TFEC: variants seen among roughly 807,000 people sequenced by gnomAD.
The protein encoded by TFEC is class E basic helix-loop-helix protein 34.
A neutral mutation model predicts 41.6 loss-of-function variants in TFEC; 31 were observed. The observed-to-expected ratio is 0.74, with a 90% CI of 0.56 to 1.01. The LOEUF (loss-of-function observed/expected upper bound fraction) is 1.01. TFEC is among the 50% of genes least tolerant of loss of function. The pLI is 0.00. For missense variants in TFEC, 402 were observed against 404.1 expected (o/e 0.99, Z 0.04); for synonymous variants, 143 against 140.6 (o/e 1.02, Z -0.12).
intron 2 of TFEC, among the ~76,000 whole-genome samples, chr7:115,980,572 A>G (rs1434611258): frequency 6.6e-6 from 1 of 152,116 alleles, no homozygotes; most frequent in African/African-American, 2.4e-5. Context: ...CAATACGGCG[A>G]AACTCCGTCT....
chr7:116,019,023 G>T (rs1795297711), intron 1 of TFEC, among the ~76,000 whole-genome samples: 1 of 152,072 alleles, frequency 6.6e-6, no homozygotes, highest in Non-Finnish European at 1.5e-5. Flanking sequence ...AAAGGTAAAG[G>T]CTGGATGTGG....
At chr7:116,065,176 TA>T (rs1338502712) in intron 3 of TFEC, among the ~76,000 whole-genome samples, 2 of 152,088 alleles carry the variant, frequency 1.3e-5, no homozygotes, top group East Asian at 3.9e-4. Flanking sequence ...GGCAAAGGTA[TA>T]AAACAGTGCA....
intron 3 of TFEC, among the ~76,000 whole-genome samples, chr7:116,065,943 C>G (rs547712243): frequency 2.8e-4 from 43 of 152,060 alleles, no homozygotes; most frequent in African/African-American, 1.0e-3. Context: ...TCCTAGGCAG[C>G]TAAAAAATGG....
intron 3 of TFEC, among the ~76,000 whole-genome samples, chr7:116,091,232 T>C (rs1024558655): frequency 6.6e-6 from 1 of 152,368 alleles, no homozygotes; most frequent in East Asian, 1.9e-4. Context: ...AAATTGGTAA[T>C]ATAATTCAGA....
chr7:116,046,794 C>G (rs1796176271), intron 3 of TFEC, among the ~76,000 whole-genome samples: 1 of 152,106 alleles, frequency 6.6e-6, no homozygotes, highest in Admixed American at 6.5e-5. Context: ...CCTTTTGTTT[C>G]AGAAAGATGT....
intron 1 of TFEC, among the ~76,000 whole-genome samples, chr7:116,149,011 G>A (rs977488733): frequency 2.0e-5 from 3 of 151,846 alleles, no homozygotes; most frequent in Admixed American, 6.6e-5. Flanking sequence ...AAGGAAAACC[G>A]AAAGAATTAT....
intron 1 of TFEC, among the ~76,000 whole-genome samples, chr7:115,994,880 A>G (rs1794290533): frequency 6.6e-6 from 1 of 152,194 alleles, no homozygotes; most frequent in Non-Finnish European, 1.5e-5. Flanking sequence ...TCATGCCGCT[A>G]TAAAGACACA....
At chr7:116,103,046 T>C (rs765722407) in intron 3 of TFEC, among the ~76,000 whole-genome samples, 2 of 152,174 alleles carry the variant, frequency 1.3e-5, no homozygotes, top group African/African-American at 2.4e-5. Flanking sequence ...CAGGGTGAGA[T>C]AATAGTGTGC....
chr7:116,037,034 A>T (rs1024073432), intron 3 of TFEC, among the ~76,000 whole-genome samples: 23 of 152,134 alleles, frequency 1.5e-4, no homozygotes, highest in Non-Finnish European at 3.1e-4. Context: ...ACTTTTGGAA[A>T]TGGACTCAGA....
chr7:115,970,221 C>T (rs1264883749), intron 3 of TFEC, among the ~76,000 whole-genome samples: 12 of 151,890 alleles, frequency 7.9e-5, no homozygotes, highest in African/African-American at 2.9e-4. Flanking sequence ...CACAGAACCC[C>T]AGATAGCTCT....
rs567937792 is a variant in TFEC, at chr7:116,040,412, T to G, written c.199-55899A>C. On this transcript the variant is annotated intron_variant, in intron 3 of 8. Transcript: ENST00000484212. Reference sequence around the variant, plus strand: ...GTTTTTTATCTCATAAAAGATATTCTTTGGCTTTCGAAGAGAGAAGCCAAA... The same window carrying G: ...GTTTTTTATCTCATAAAAGATATTCGTTGGCTTTCGAAGAGAGAAGCCAAA... 2.6e-5 allele frequency among the ~76,000 whole-genome samples: 4 copies of G among 152,336 alleles called. No homozygotes were observed. The East Asian group carries it at 7.7e-4, about 29-fold the overall frequency.
intron 1 of TFEC, among the ~76,000 whole-genome samples, chr7:115,993,675 G>T (rs1331702275): frequency 6.6e-6 from 1 of 152,146 alleles, no homozygotes; most frequent in Non-Finnish European, 1.5e-5. Flanking sequence ...TCTTCAAGGA[G>T]AACTACAAAC....
chr7:115,952,636 T>G (rs1792007501), intron 5 of TFEC, among the ~76,000 whole-genome samples: 1 of 152,108 alleles, frequency 6.6e-6, no homozygotes, highest in African/African-American at 2.4e-5. Flanking sequence ...AATTTTTAAA[T>G]GGCTAATTAG....
chr7:116,060,643 A>G (rs567498861), intron 3 of TFEC, among the ~76,000 whole-genome samples: 1 of 152,272 alleles, frequency 6.6e-6, no homozygotes, highest in East Asian at 1.9e-4. Flanking sequence ...TTTCACTTAC[A>G]AGTGGGAGCT....
At chr7:116,094,020 C>A (rs1415679364) in intron 3 of TFEC, among the ~76,000 whole-genome samples, 1 of 152,082 alleles carries the variant, frequency 6.6e-6, no homozygotes, top group Admixed American at 6.5e-5. Flanking sequence ...GTCGAATTTA[C>A]AAAAACAAAA....
At chr7:116,045,514 C>A (rs915944499) in intron 3 of TFEC, among the ~76,000 whole-genome samples, 1 of 152,280 alleles carries the variant, frequency 6.6e-6, no homozygotes, top group Admixed American at 6.5e-5. Flanking sequence ...GTTGAGCCTG[C>A]GTGTACATAG....
chr7:116,028,875 T>C (rs1289900982), intron 1 of TFEC, among the ~76,000 whole-genome samples: 1 of 152,200 alleles, frequency 6.6e-6, no homozygotes, highest in Non-Finnish European at 1.5e-5. Context: ...CTTTCCTTAT[T>C]TCTCCTTTCT....
intron 3 of TFEC, among the ~76,000 whole-genome samples, chr7:116,061,764 C>A (rs752772682): frequency 6.6e-6 from 1 of 151,812 alleles, no homozygotes; most frequent in South Asian, 2.1e-4. Flanking sequence ...TACAAACAGC[C>A]CAATAAGAAA....
At chr7:116,008,743 T>C (rs1794895317) in intron 1 of TFEC, among the ~76,000 whole-genome samples, 1 of 152,172 alleles carries the variant, frequency 6.6e-6, no homozygotes, top group African/African-American at 2.4e-5. Context: ...AAAACTTAAA[T>C]TATACAGTCG....
Sources: gnomAD v4.1 joint callset for allele counts (sites outside exome capture counted in the v4.1 genomes callset) on GRCh38, gnomAD v4.1.1 for gene constraint, MANE v1.5 for transcripts, NCBI Gene and HGNC (gene_info 2026-07-23, HGNC 2026-07-21) for gene names.